DSCAM: variants seen among roughly 807,000 people sequenced by gnomAD.
DSCAM encodes the protein DS cell adhesion molecule, also known as cell adhesion molecule DSCAM.
Under a neutral mutation model 217.7 loss-of-function variants are expected in DSCAM, and 47 were observed. The ratio of observed to expected loss-of-function variants is 0.22; its 90% confidence interval spans 0.17 to 0.28. The LOEUF is 0.28. DSCAM is among the 10% of genes least tolerant of loss of function. DSCAM has a pLI of 1.00. For missense variants in DSCAM, 2,080 were observed against 2,618.3 expected, an observed-to-expected ratio of 0.79 and a Z score of 4.49; for synonymous variants, 1,056 against 1,015.3, an observed-to-expected ratio of 1.04 and a Z score of -0.76.
intron 3 of DSCAM, among the ~76,000 whole-genome samples, chr21:40,664,894 C>T (rs868737257): frequency 6.6e-6 from 1 of 152,144 alleles, no homozygotes; most frequent in African/African-American, 2.4e-5. Flanking sequence ...GGAGGTGGAC[C>T]TCCCATCCCC....
rs1375500269 is a variant in DSCAM, at chr21:40,759,197, G to A, written c.44-50426C>T. ...GCATTGAGTCTCCCAGTCCATCCAA[G>A]AGGATTCCAGGTTGGATTCCACAGT... On this transcript the variant is annotated intron_variant, in intron 1 of 32. Transcript: ENST00000400454. Among the ~76,000 whole-genome samples, 4 of 151,988 alleles carry A rather than the reference G, an allele frequency of 2.6e-5. No individual in the cohort carries two copies. In the East Asian group the frequency reaches 7.8e-4, roughly 30 times the overall value.
At chr21:40,322,107 G>T (rs1230157327) in intron 8 of DSCAM, among the ~76,000 whole-genome samples, 3 of 152,152 alleles carry the variant, frequency 2.0e-5, no homozygotes, top group Non-Finnish European at 4.4e-5. Flanking sequence ...TGATGGTATT[G>T]TGTTGATGTC....
intron 3 of DSCAM, among the ~76,000 whole-genome samples, chr21:40,534,435 C>T (rs935297255): frequency 4.6e-5 from 7 of 152,096 alleles, no homozygotes; most frequent in African/African-American, 1.7e-4. Flanking sequence ...ATAGGAAATT[C>T]GACTAGAAAA....
chr21:40,396,087 G>A (rs1368961501), intron 3 of DSCAM, among the ~76,000 whole-genome samples: 1 of 152,178 alleles, frequency 6.6e-6, no homozygotes, highest in Admixed American at 6.5e-5. Context: ...CGCCGACAGG[G>A]TTCCTAAATC....
chr21:40,246,676 G>A lies in DSCAM; in HGVS notation c.2356+29421C>T, dbSNP rs560218772. Among the ~76,000 whole-genome samples the A allele has an allele frequency of 1.8e-4, 27 of 152,280 alleles. No individual in the cohort carries two copies. The South Asian group carries it at 5.6e-3, about 32-fold the overall frequency. Reference sequence around the variant, plus strand: ...CATACTACTGTAAAGAACAGTGCTAGAAATCAGGCAGAAGCCCACAGTGGA... The same window carrying A: ...CATACTACTGTAAAGAACAGTGCTAAAAATCAGGCAGAAGCCCACAGTGGA... On this transcript the variant is annotated intron_variant, in intron 11 of 32. Transcript: ENST00000400454.
rs1027754568 is a variant in DSCAM at position 40,419,002 on chromosome 21, G to A, written c.509-49757C>T. Among the ~76,000 whole-genome samples the A allele has an allele frequency of 4.6e-5, 7 of 152,022 alleles. No individual in the cohort carries two copies. The South Asian group carries it at 8.3e-4, about 18-fold the overall frequency. ...TATATCTATTTTGAGATGGAGTCTC[G>A]CTTTGTCACCCAGGCTGGAGTGCAG... On this transcript the variant is annotated intron_variant, in intron 3 of 32. Transcript: ENST00000400454.
intron 11 of DSCAM, among the ~76,000 whole-genome samples, chr21:40,263,793 T>C (rs1332736977): frequency 6.6e-6 from 1 of 152,052 alleles, no homozygotes; most frequent in Non-Finnish European, 1.5e-5. Context: ...ATAAATAAAA[T>C]TGATAGACCA....
At chr21:40,136,775 G>A (rs898583281) in intron 18 of DSCAM, among the ~76,000 whole-genome samples, 4 of 151,998 alleles carry the variant, frequency 2.6e-5, no homozygotes, top group Admixed American at 6.6e-5. Context: ...GTGACCCTCC[G>A]GCAAATACTT....
At chr21:40,463,888 T>C (rs916409834) in intron 3 of DSCAM, among the ~76,000 whole-genome samples, 1 of 152,184 alleles carries the variant, frequency 6.6e-6, no homozygotes, top group Non-Finnish European at 1.5e-5. Context: ...CCTCTGAAGG[T>C]GAGCACCTCC....
chr21:40,017,270 G>A (rs931591550), intron 32 of DSCAM, among the ~76,000 whole-genome samples: 7 of 152,054 alleles, frequency 4.6e-5, no homozygotes, highest in Non-Finnish European at 8.8e-5. Flanking sequence ...TTATTTTTGG[G>A]AAATGCAGCA....
chr21:40,698,958 C>T (rs1306079911), intron 2 of DSCAM, among the ~76,000 whole-genome samples: 3 of 148,246 alleles, frequency 2.0e-5, no homozygotes, highest in Admixed American at 6.8e-5. Context: ...GCTGTATGTG[C>T]GTTTCTCACA....
rs138478990 is a variant in DSCAM at position 40,292,929 on chromosome 21, G to A, written c.2182+3126C>T. 4.2e-3 allele frequency among the ~76,000 whole-genome samples: 634 copies of A among 152,068 alleles called. 2 individuals are homozygous for A. The highest frequency in any genetic ancestry group is 0.014 in the African/African-American group (579 of 41,474). On this transcript the variant is annotated intron_variant, in intron 10 of 32. Coordinates refer to ENST00000400454, the MANE Select transcript of DSCAM (RefSeq NM_001389.5). Reference sequence around the variant, plus strand: ...TTTTTTGCATTTTTAGTAGAGACGGGGTTTCACCGTGTTAGCCAGGATGGT... The same window carrying A: ...TTTTTTGCATTTTTAGTAGAGACGGAGTTTCACCGTGTTAGCCAGGATGGT...
intron 1 of DSCAM, among the ~76,000 whole-genome samples, chr21:40,841,561 C>G (rs1490241230): frequency 2.6e-5 from 4 of 152,116 alleles, no homozygotes; most frequent in African/African-American, 4.8e-5. Flanking sequence ...TCCAGTGGGC[C>G]TGGGGGAGAG....
At chr21:40,168,032 G>C (rs1291433183) in intron 15 of DSCAM, among the ~76,000 whole-genome samples, 1 of 152,164 alleles carries the variant, frequency 6.6e-6, no homozygotes, top group East Asian at 1.9e-4. Flanking sequence ...CTGCACTCCA[G>C]CCTGGGCGAC....
chr21:40,080,254 T>C lies in DSCAM; in HGVS notation c.4318A>G (p.Asn1440Asp). 1 of 1,613,586 alleles carries C rather than the reference T, an allele frequency of 6.2e-7. No homozygotes were observed. Among genetic ancestry groups the C allele is most frequent in the Non-Finnish European group, 8.5e-7 (1 of 1,179,924 alleles). ...SPSERSYRLE[N>D]LKCGTWYKFT... is the part of the protein sequence containing the mutation. ...TTATACCAAGTCCCACATTTGAGAT[T>C]TTCCAAGCGATAGGAACGTTCGCTG... The change falls in exon 25 of 33, where the codon AAT becomes GAT. Residue 1440 changes from asparagine to aspartate, a missense_variant. Around this residue, in one of 5 missense-constraint regions of DSCAM, gnomAD observed 1,144 missense variants for 1,421.1 expected, o/e 0.81. Coordinates refer to ENST00000400454, the MANE Select transcript of DSCAM (RefSeq NM_001389.5).
chr21:40,374,325 G>C (rs937667015), intron 3 of DSCAM, among the ~76,000 whole-genome samples: 2 of 152,234 alleles, frequency 1.3e-5, no homozygotes, highest in African/African-American at 4.8e-5. Flanking sequence ...GAGCCAGACA[G>C]GGAAGATCCC....
At chr21:40,727,297 C>A (rs2090965679) in intron 1 of DSCAM, among the ~76,000 whole-genome samples, 1 of 152,150 alleles carries the variant, frequency 6.6e-6, no homozygotes, top group Admixed American at 6.5e-5. Flanking sequence ...CTTAGCTATG[C>A]CCCTGTTCTG....
intron 3 of DSCAM, among the ~76,000 whole-genome samples, chr21:40,435,447 A>T (rs2075574297): frequency 6.6e-6 from 1 of 152,126 alleles, no homozygotes; most frequent in African/African-American, 2.4e-5. Flanking sequence ...CCCTGGTGAC[A>T]CAAGTTTACC....
chr21:40,324,181 C>CT (rs1219941892), intron 8 of DSCAM, among the ~76,000 whole-genome samples: 1 of 105,024 alleles, frequency 9.5e-6, no homozygotes, highest in African/African-American at 3.4e-5. Flanking sequence ...AGGCAAATAA[C>CT]TTTTTTCCCA....
Sources: gnomAD v4.1 joint callset for allele counts (sites outside exome capture counted in the v4.1 genomes callset) on GRCh38, gnomAD v4.1.1 for gene constraint, gnomAD v4.1.1 regional missense constraint, MANE v1.5 for transcripts, NCBI Gene and HGNC (gene_info 2026-07-23, HGNC 2026-07-21) for gene names.